The following CCDC15 variants were observed in gnomAD, a reference collection of about 807,000 sequenced individuals.
The protein encoded by CCDC15 is coiled-coil domain containing 15.
A neutral mutation model predicts 114.5 loss-of-function variants in CCDC15; 105 were observed. The ratio of observed to expected loss-of-function variants is 0.92; its 90% CI spans 0.78 to 1.08. The LOEUF (loss-of-function observed/expected upper bound fraction) is 1.08. Ranked by LOEUF, CCDC15 falls within the 50% of genes least tolerant of loss-of-function variation. CCDC15 has a pLI of 0.00. For synonymous variants in CCDC15, 334 were observed against 377.8 expected (o/e 0.88, Z 1.34); for missense variants, 1,105 against 1,093.6 (o/e 1.01, Z -0.15).
intron 13 of CCDC15, among the ~76,000 whole-genome samples, chr11:125,031,019 G>A (rs914202622): frequency 6.6e-6 from 1 of 152,170 alleles, no homozygotes; most frequent in African/African-American, 2.4e-5. Flanking sequence ...TTTCAATCAT[G>A]CTTCTTTCAA....
At chr11:124,993,935 T>C (rs183812776) in intron 11 of CCDC15, among the ~76,000 whole-genome samples, 6 of 152,368 alleles carry the variant, frequency 3.9e-5, no homozygotes, top group Non-Finnish European at 8.8e-5. Context: ...ATACTATTAT[T>C]ATCCTTGGAT....
intron 13 of CCDC15, among the ~76,000 whole-genome samples, chr11:125,009,869 G>A (rs1948577275): frequency 6.6e-6 from 1 of 152,184 alleles, no homozygotes; most frequent in African/African-American, 2.4e-5. Flanking sequence ...CTTCTATGGT[G>A]TATACATACC....
chr11:125,037,153 C>A (rs1948780837), intron 13 of CCDC15, among the ~76,000 whole-genome samples: 1 of 150,992 alleles, frequency 6.6e-6, no homozygotes, highest in Non-Finnish European at 1.5e-5. Context: ...ATTATTGAAC[C>A]TGGTTTTGGT....
At chr11:124,977,015 C>G (rs935860262) in intron 5 of CCDC15, among the ~76,000 whole-genome samples, 1 of 152,112 alleles carries the variant, frequency 6.6e-6, no homozygotes, top group Non-Finnish European at 1.5e-5. Context: ...CAACAATTTT[C>G]TACCTTCTTA....
chr11:125,015,835 T>C (rs929753800), intron 13 of CCDC15, among the ~76,000 whole-genome samples: 1 of 152,174 alleles, frequency 6.6e-6, no homozygotes, highest in Admixed American at 6.6e-5. Flanking sequence ...AAGTGAAATA[T>C]TGGCACAATG....
chr11:125,004,667 A>G (rs560268386), intron 12 of CCDC15, among the ~76,000 whole-genome samples: 3 of 152,166 alleles, frequency 2.0e-5, no homozygotes, highest in South Asian at 2.1e-4. Flanking sequence ...AGGCTTTAGT[A>G]TACCTCAGCC....
At chr11:124,975,254 A>C (rs539041833) in intron 5 of CCDC15, 45 bp downstream of exon 5, 1 of 1,151,504 alleles carries the variant, frequency 8.7e-7, no homozygotes, top group East Asian at 2.7e-5. Flanking sequence ...ACAGGTAAAA[A>C]ATACAGATAA....
At chr11:124,980,074 CAATT>C (rs1355407235) in intron 6 of CCDC15, among the ~76,000 whole-genome samples, 19 of 152,256 alleles carry the variant, frequency 1.2e-4, no homozygotes, top group Non-Finnish European at 1.5e-5. Flanking sequence ...TGGTGAATCA[CAATT>C]AATGATTTGT....
intron 11 of CCDC15, among the ~76,000 whole-genome samples, chr11:124,999,778 A>G (rs1007958024): frequency 7.7e-6 from 1 of 130,476 alleles, no homozygotes; most frequent in Non-Finnish European, 1.6e-5. Context: ...GGATCTGTTT[A>G]TTATCTTTAC....
rs1040212265 is a variant in CCDC15 at position 125,035,726 on chromosome 11, T to C, written c.2412-2705T>C. On this transcript the variant is annotated intron_variant, in intron 13 of 15. Transcript: ENST00000344762. ...TTTTAATTTATTGCTTTTTATATTT[T>C]GTGTTATCTGTTGTATGTTTCCAAA... 3.0e-4 allele frequency among the ~76,000 whole-genome samples: 45 copies of C among 152,302 alleles called. 1 individual carries two copies. The highest frequency in any genetic ancestry group is 1.2e-3 in the East Asian group (6 of 5,182).
chr11:125,021,235 C>T (rs1345472761), intron 13 of CCDC15, among the ~76,000 whole-genome samples: 1 of 151,760 alleles, frequency 6.6e-6, no homozygotes, highest in Non-Finnish European at 1.5e-5. Context: ...AGTATTGTGT[C>T]ACAGAAGCTG....
chr11:125,016,947 G>A (rs900071889), intron 13 of CCDC15, among the ~76,000 whole-genome samples: 4 of 152,142 alleles, frequency 2.6e-5, no homozygotes, highest in Non-Finnish European at 4.4e-5. Context: ...AGGACTGATT[G>A]CTTTACAGAT....
chr11:125,022,815 C>T (rs985007423), intron 13 of CCDC15, among the ~76,000 whole-genome samples: 3 of 151,780 alleles, frequency 2.0e-5, no homozygotes, highest in Non-Finnish European at 2.9e-5. Context: ...AGCAATTGGC[C>T]TCATCAGGCC....
chr11:125,019,514 A>T (rs1948648939), intron 13 of CCDC15, among the ~76,000 whole-genome samples: 2 of 152,008 alleles, frequency 1.3e-5, no homozygotes, highest in Non-Finnish European at 2.9e-5. Context: ...TCAACCCCAG[A>T]TTTATTTGTC....
intron 11 of CCDC15, among the ~76,000 whole-genome samples, chr11:124,997,896 C>T (rs1260349760): frequency 1.3e-5 from 2 of 152,042 alleles, no homozygotes; most frequent in African/African-American, 4.8e-5. Flanking sequence ...GAGCCGAGAT[C>T]GCACCACTAC....
chr11:125,015,927 A>G (rs1239675413), intron 13 of CCDC15, among the ~76,000 whole-genome samples: 5 of 152,118 alleles, frequency 3.3e-5, no homozygotes, highest in African/African-American at 9.7e-5. Context: ...GCAGCTTCTT[A>G]ACCACCCCTG....
chr11:125,031,973 C>T (rs1948742411), intron 13 of CCDC15, among the ~76,000 whole-genome samples: 1 of 152,146 alleles, frequency 6.6e-6, no homozygotes, highest in East Asian at 1.9e-4. Context: ...AAATCCTTTA[C>T]CTTAGAAGGA....
chr11:124,985,518 C>G (rs1948143619), intron 6 of CCDC15, among the ~76,000 whole-genome samples: 1 of 152,068 alleles, frequency 6.6e-6, no homozygotes, highest in South Asian at 2.1e-4. Context: ...TATAGCTATC[C>G]TAGTAGATGT....
In CCDC15 at chr11:124,954,718, A is replaced by C. The variant is rs115442493; in HGVS notation, c.-9-6A>C. The C allele has an allele frequency of 8.9e-5, 144 of 1,612,948 alleles. 1 individual carries two copies. In the African/African-American group the frequency reaches 1.8e-3, roughly 20 times the overall value. The stretch of plus-strand genomic sequence containing the variant: ...AGATTTTAAGCTTTTTCTTTCTCCT[A>C]ATCAGGAGTCACAGATGCTGGGAAG... On this transcript the variant is annotated splice_region_variant and splice_polypyrimidine_tract_variant and intron_variant, in intron 1 of 15. Transcript: ENST00000344762.
Sources: allele counts gnomAD v4.1 joint callset (sites outside exome capture counted in the v4.1 genomes callset), GRCh38; gene constraint gnomAD v4.1.1; transcripts MANE v1.5; gene names NCBI Gene and HGNC (gene_info 2026-07-23, HGNC 2026-07-21).